Variants in KIAA1217 observed in about 807,000 individuals in gnomAD.
KIAA1217 encodes sickle tail protein homolog.
Under a neutral mutation model 163.9 loss-of-function variants are expected in KIAA1217, and 88 were observed. The observed-to-expected ratio is 0.54, with a 90% CI of 0.45 to 0.64. The LOEUF (loss-of-function observed/expected upper bound fraction) is 0.64, where lower values mean the gene tolerates loss of function less well. KIAA1217 is among the 30% of genes least tolerant of loss of function. KIAA1217 has a pLI of 0.00. For synonymous variants in KIAA1217, 903 were observed against 923.1 expected (o/e 0.98, Z 0.39); for missense variants, 2,372 against 2,475.0 (o/e 0.96, Z 0.88).
At chr10:23,740,000 G>T (rs1397695048) in intron 1 of KIAA1217, among the ~76,000 whole-genome samples, 1 of 152,024 alleles carries the variant, frequency 6.6e-6, no homozygotes, top group Non-Finnish European at 1.5e-5. Context: ...AGCAGGAGAA[G>T]ACTGAGGGGA....
chr10:23,723,772 A>AT (rs959330869), intron 1 of KIAA1217, among the ~76,000 whole-genome samples: 3 of 152,150 alleles, frequency 2.0e-5, no homozygotes, highest in South Asian at 2.1e-4. Context: ...CTGTTTGCTG[A>AT]TTTTTTTTAA....
intron 2 of KIAA1217, among the ~76,000 whole-genome samples, chr10:24,022,453 C>G (rs11013856): frequency 0.22 from 33,441 of 151,542 alleles, 4,449 homozygotes; most frequent in Middle Eastern, 0.4. Context: ...TTTTAAAAAG[C>G]TGACAAACCA....
chr10:24,108,629 G>A (rs544897018), intron 2 of KIAA1217, among the ~76,000 whole-genome samples: 9 of 152,248 alleles, frequency 5.9e-5, no homozygotes, highest in African/African-American at 2.2e-4. Flanking sequence ...TGGATGAGGA[G>A]AATGCAATCG....
At chr10:24,313,431 C>T (rs949542313) in intron 2 of KIAA1217, among the ~76,000 whole-genome samples, 3 of 152,096 alleles carry the variant, frequency 2.0e-5, no homozygotes, top group Non-Finnish European at 4.4e-5. Context: ...TTCAGAAGAG[C>T]CCATTAGCAG....
chr10:23,845,635 C>A (rs1402911668), intron 1 of KIAA1217, among the ~76,000 whole-genome samples: 2 of 151,880 alleles, frequency 1.3e-5, no homozygotes, highest in Non-Finnish European at 2.9e-5. Context: ...GGATATTAGC[C>A]CTTTGTCAGA....
intron 1 of KIAA1217, among the ~76,000 whole-genome samples, chr10:23,802,659 T>C (rs551925870): frequency 4.9e-4 from 74 of 152,348 alleles, no homozygotes; most frequent in African/African-American, 1.7e-3. Flanking sequence ...AAGCCGTATA[T>C]ACTGATCAAG....
At chr10:24,314,451 T>A (rs547014174) in intron 2 of KIAA1217, among the ~76,000 whole-genome samples, 1 of 152,322 alleles carries the variant, frequency 6.6e-6, no homozygotes, top group Non-Finnish European at 1.5e-5. Context: ...AGGGAGGGTA[T>A]TCATGTGTGT....
intron 1 of KIAA1217, among the ~76,000 whole-genome samples, chr10:23,864,362 C>A (rs1441296723): frequency 6.6e-6 from 1 of 151,970 alleles, no homozygotes; most frequent in African/African-American, 2.4e-5. Flanking sequence ...GTATGAAAGA[C>A]CCTTCAGTAT....
rs201854162 is a variant in KIAA1217 at position 24,473,931 on chromosome 10, C to T, written c.1550C>T (p.Thr517Ile). 5.9e-5 allele frequency: 95 copies of T among 1,614,056 alleles called. No homozygotes were observed. Among genetic ancestry groups the T allele is most frequent in the Non-Finnish European group, 7.7e-5 (91 of 1,180,040 alleles). The change falls in exon 6 of 21, where the codon ACC becomes ATC. Residue 517 changes from threonine (T) to isoleucine (I), a missense_variant. This residue lies in a region of KIAA1217 where 1,431 missense variants were observed against 1,470.3 expected (regional missense o/e 0.97). Transcript: ENST00000376454. The stretch of plus-strand genomic sequence containing the variant: ...CAGGCCTTTAAAAAGGAGCCAGGCA[C>T]CTTGGTGTATATAGAAAAGCCACGG... The part of the protein sequence containing the change: ...SRQAFKKEPG[T>I]LVYIEKPRSA...
chr10:23,844,478 GT>G (rs1294861873), intron 1 of KIAA1217, among the ~76,000 whole-genome samples: 4 of 152,132 alleles, frequency 2.6e-5, no homozygotes, highest in Non-Finnish European at 4.4e-5. Flanking sequence ...CATGACCTGT[GT>G]TGTCATATTC....
intron 1 of KIAA1217, among the ~76,000 whole-genome samples, chr10:23,704,592 C>A (rs149545920): frequency 6.6e-6 from 1 of 152,096 alleles, no homozygotes; most frequent in South Asian, 2.1e-4. Flanking sequence ...TTTCACTCTG[C>A]GTAATGTTTT....
chr10:24,166,890 A>G (rs2131900691), intron 2 of KIAA1217, among the ~76,000 whole-genome samples: 1 of 152,314 alleles, frequency 6.6e-6, no homozygotes, highest in East Asian at 1.9e-4. Flanking sequence ...GCTATTATGT[A>G]TCAACAACAA....
chr10:24,404,789 T>C (rs1343646892), intron 3 of KIAA1217, among the ~76,000 whole-genome samples: 1 of 152,120 alleles, frequency 6.6e-6, no homozygotes, highest in East Asian at 1.9e-4. Context: ...ATGCATACCA[T>C]GGAATACTAC....
chr10:23,787,417 G>A (rs190958270), intron 1 of KIAA1217, among the ~76,000 whole-genome samples: 1 of 152,242 alleles, frequency 6.6e-6, no homozygotes. Flanking sequence ...CAGGAACCAG[G>A]TCCTTATAAT....
chr10:24,200,234 A>ATTT (rs2067190537), intron 2 of KIAA1217, among the ~76,000 whole-genome samples: 1 of 141,750 alleles, frequency 7.1e-6, no homozygotes. Flanking sequence ...TTTTTAAGAG[A>ATTT]TGGGGCCTCG....
intron 1 of KIAA1217, among the ~76,000 whole-genome samples, chr10:24,000,681 A>G (rs1183895598): frequency 2.0e-5 from 3 of 152,238 alleles, no homozygotes; most frequent in East Asian, 3.8e-4. Flanking sequence ...TGGAAATCCA[A>G]CTGGCTTTTC....
At chr10:23,704,172 G>GTATATATATATATATATATATATA (rs35533445) in intron 1 of KIAA1217, among the ~76,000 whole-genome samples, 1 of 39,924 alleles carries the variant, frequency 2.5e-5, no homozygotes, top group Non-Finnish European at 4.1e-5. Context: ...GTGTGTGTGT[G>GTATATATATATATATATATATATA]TATATATATA....
chr10:23,934,742 T>G (rs1589107636), intron 1 of KIAA1217, among the ~76,000 whole-genome samples: 1 of 149,362 alleles, frequency 6.7e-6, no homozygotes, highest in South Asian at 2.1e-4. Flanking sequence ...CTCAGCCTCC[T>G]GAGTAGCTGG....
At chr10:23,810,265 C>T (rs1329194060) in intron 1 of KIAA1217, among the ~76,000 whole-genome samples, 2 of 149,254 alleles carry the variant, frequency 1.3e-5, no homozygotes, top group African/African-American at 4.9e-5. Flanking sequence ...GACTACCTAC[C>T]TGTCTATCTG....
Sources: allele counts gnomAD v4.1 joint callset (sites outside exome capture counted in the v4.1 genomes callset), GRCh38; gene constraint gnomAD v4.1.1; regional missense constraint gnomAD v4.1.1; transcripts MANE v1.5; gene names NCBI Gene and HGNC (gene_info 2026-07-23, HGNC 2026-07-21).